The following WASF2 variants were observed in gnomAD, a reference collection of about 807,000 sequenced individuals.
WASF2 encodes the protein WASP family member 2.
WASF2 carries 14 observed loss-of-function variants against 45.0 expected under a neutral mutation model. That is an observed-to-expected ratio of 0.31 (90% CI 0.21 to 0.49). The LOEUF (loss-of-function observed/expected upper bound fraction) is 0.49, where lower values mean the gene tolerates loss of function less well. Among genes scored for constraint, WASF2 ranks in the 20% least tolerant of loss-of-function variants. WASF2 has a pLI of 0.99. For synonymous variants in WASF2, 200 were observed against 236.3 expected, an observed-to-expected ratio of 0.85 and a Z score of 1.41; for missense variants, 439 against 636.1, an observed-to-expected ratio of 0.69 and a Z score of 3.33.
chr1:27,447,239 G>T (rs975335134), intron 1 of WASF2, among the ~76,000 whole-genome samples: 1 of 152,156 alleles, frequency 6.6e-6, no homozygotes, highest in African/African-American at 2.4e-5. Flanking sequence ...GAAATGGCAA[G>T]AGCGGCATGA....
intron 1 of WASF2, among the ~76,000 whole-genome samples, chr1:27,480,860 T>A (rs1489034477): frequency 6.8e-6 from 1 of 147,148 alleles, no homozygotes; most frequent in East Asian, 2.0e-4. Context: ...TACAAAAAAA[T>A]TAGCCGGGCG....
chr1:27,443,171 A>G (rs1161400709), intron 1 of WASF2, among the ~76,000 whole-genome samples: 1 of 149,834 alleles, frequency 6.7e-6, no homozygotes, highest in Non-Finnish European at 1.5e-5. Context: ...TTCTAAATAA[A>G]TAAATAAATA....
At chr1:27,429,377 CT>C (rs2017030949) in intron 1 of WASF2, among the ~76,000 whole-genome samples, 1 of 152,242 alleles carries the variant, frequency 6.6e-6, no homozygotes, top group Admixed American at 6.5e-5. Context: ...AAAAAGAACA[CT>C]GTCACCTGAT....
At chr1:27,431,798 CTG>C (rs1395280351) in intron 1 of WASF2, among the ~76,000 whole-genome samples, 2 of 152,306 alleles carry the variant, frequency 1.3e-5, no homozygotes, top group South Asian at 4.1e-4. Context: ...AAACAACTAA[CTG>C]TATGTCATCT....
At chr1:27,446,781 CA>C (rs397938564) in intron 1 of WASF2, among the ~76,000 whole-genome samples, 105,157 of 121,548 alleles carry the variant, frequency 0.87, 44,935 homozygotes, top group East Asian at 0.97. Flanking sequence ...AGCCTGTCTC[CA>C]AAAAAAAAAA....
At chr1:27,461,898 GT>G (rs1469000191) in intron 1 of WASF2, among the ~76,000 whole-genome samples, 3 of 152,006 alleles carry the variant, frequency 2.0e-5, no homozygotes, top group African/African-American at 7.2e-5. Context: ...TTGGGATCAA[GT>G]GATCCTCCCA....
At chr1:27,467,147 G>A (rs1180697204) in intron 1 of WASF2, among the ~76,000 whole-genome samples, 2 of 149,828 alleles carry the variant, frequency 1.3e-5, no homozygotes, top group African/African-American at 4.9e-5. Flanking sequence ...CTGAGAAGTG[G>A]AGGTTGCAGT....
chr1:27,430,040 T>G (rs1255826564), intron 1 of WASF2, among the ~76,000 whole-genome samples: 1 of 152,178 alleles, frequency 6.6e-6, no homozygotes, highest in African/African-American at 2.4e-5. Flanking sequence ...TCCGGAAACC[T>G]TCCAGTTACT....
At chr1:27,481,832 G>A (rs2017854317) in intron 1 of WASF2, among the ~76,000 whole-genome samples, 1 of 152,164 alleles carries the variant, frequency 6.6e-6, no homozygotes, top group Admixed American at 6.5e-5. Flanking sequence ...AAGAAAAACA[G>A]AGCTTGAAAA....
At chr1:27,469,556 G>A (rs952896791) in intron 1 of WASF2, among the ~76,000 whole-genome samples, 5 of 152,116 alleles carry the variant, frequency 3.3e-5, no homozygotes, top group African/African-American at 1.2e-4. Context: ...CATTGTAGAA[G>A]ATGCACAGAA....
chr1:27,487,543 A>ATATGT (rs1553152855), intron 1 of WASF2, among the ~76,000 whole-genome samples: 4 of 101,888 alleles, frequency 3.9e-5, no homozygotes, highest in Admixed American at 3.1e-4. Context: ...AATATATAAT[A>ATATGT]TATATTATAT....
intron 1 of WASF2, among the ~76,000 whole-genome samples, chr1:27,434,448 C>A (rs2017105103): frequency 6.6e-6 from 1 of 152,198 alleles, no homozygotes; most frequent in Admixed American, 6.5e-5. Flanking sequence ...ACTCAGCCAA[C>A]ATCCACTTGC....
At chr1:27,415,909 T>A (rs1055065361) in intron 5 of WASF2, 76 bp downstream of exon 5, 1 of 1,272,628 alleles carries the variant, frequency 7.9e-7, no homozygotes, top group East Asian at 2.3e-5. Context: ...TTACTTCACA[T>A]AACACTGGCT....
chr1:27,489,747 C>T (rs890751794), intron 1 of WASF2, among the ~76,000 whole-genome samples: 2 of 152,198 alleles, frequency 1.3e-5, no homozygotes, highest in South Asian at 2.1e-4. Context: ...CACTCATAGT[C>T]CCTCAGACTT....
rs188656808 is a variant in WASF2, at chr1:27,440,079, G to T, written c.-43-11146C>A. Among the ~76,000 whole-genome samples the T allele has an allele frequency of 1.5e-3, 227 of 152,178 alleles. 1 individual carries two copies. The highest frequency in any genetic ancestry group is 3.8e-3 in the African/African-American group (158 of 41,534). On this transcript the variant is annotated intron_variant, in intron 1 of 8. Transcript: ENST00000618852. The stretch of plus-strand genomic sequence containing the variant: ...AGAATTTGGATGTAAAAAAACAGAC[G>T]GAAAGGTTTTTCAAGGAGAGCTAAT...
intron 4 of WASF2, 151 bp from the exon 5 acceptor site, chr1:27,416,253 A>T (rs916614006): frequency 7.5e-6 from 5 of 668,528 alleles, no homozygotes; most frequent in African/African-American, 7.3e-5. Context: ...CCATACCAGC[A>T]TTTCAATGCC....
At chr1:27,418,577 C>T (rs971802808) in intron 3 of WASF2, among the ~76,000 whole-genome samples, 155 bp from the exon 4 acceptor site, 1 of 152,320 alleles carries the variant, frequency 6.6e-6, no homozygotes, top group Middle Eastern at 3.4e-3. Flanking sequence ...GGAAGCCCCA[C>T]AAGGCTGTCA....
At chr1:27,409,350 G>A (rs1235145166) in intron 8 of WASF2, among the ~76,000 whole-genome samples, 6 of 148,638 alleles carry the variant, frequency 4.0e-5, no homozygotes, top group Admixed American at 6.7e-5. Flanking sequence ...GCGTGAACCC[G>A]GGAGGCAGAG....
chr1:27,422,407 CAGG>C lies in WASF2; in HGVS notation c.131-3322_131-3320del, dbSNP rs574751539. Among the ~76,000 whole-genome samples, 26 of 151,948 alleles carry C rather than the reference CAGG, an allele frequency of 1.7e-4. No homozygotes were observed. The East Asian group carries it at 4.1e-3, about 24-fold the overall frequency. On this transcript the variant is annotated intron_variant, in intron 2 of 8. Transcript: ENST00000618852. ...GGCTGAGGTGGGCGGATCACGAGGTCAGGAGATCACAACCATCCTGGCTAACAC... is the reference window on the plus strand; with the variant it reads ...GGCTGAGGTGGGCGGATCACGAGGTCAGATCACAACCATCCTGGCTAACAC...
Sources: gnomAD v4.1 joint callset for allele counts (sites outside exome capture counted in the v4.1 genomes callset) on GRCh38, gnomAD v4.1.1 for gene constraint, MANE v1.5 for transcripts, NCBI Gene and HGNC (gene_info 2026-07-23, HGNC 2026-07-21) for gene names.